ZC4H2: variants seen among roughly 807,000 people sequenced by gnomAD.
ZC4H2 encodes zinc finger C4H2-type containing, also known as zinc finger C4H2 domain-containing protein.
For synonymous variants in ZC4H2, 84 were observed against 66.3 expected (o/e 1.27, Z -1.30); for missense variants, 137 against 173.9 (o/e 0.79, Z 1.19).
intron 1 of ZC4H2, among the ~76,000 whole-genome samples, chrX:64,927,793 G>C (rs1569203632): frequency 8.9e-6 from 1 of 112,249 alleles, no homozygotes; most frequent in African/African-American, 3.2e-5. Context: ...AGCATCTGTT[G>C]TTTACAGACT....
rs1249541624 is a variant in ZC4H2, at chrX:64,952,330, C to A, written c.53+23995G>T. Among the ~76,000 whole-genome samples the A allele has an allele frequency of 8.5e-4, 93 of 109,079 alleles. 1 individual carries two copies. The highest frequency in any genetic ancestry group is 3.1e-3 in the African/African-American group (93 of 29,627). The allele number at this position is 109,079 out of a possible 115,157, so 94.7% of individuals were successfully genotyped here. A position where few individuals can be genotyped will look rare whatever the true frequency, so the allele number is the denominator to read the frequency against. ...AACTTTCAAGTAGTTTCTTCCAATT[C>A]TGTGAAGAAAGTCATTGGTAGCTTG... On this transcript the variant is annotated intron_variant, in intron 1 of 4. Transcript: ENST00000374839.
At chrX:64,973,535 A>G (rs984615911) in intron 1 of ZC4H2, among the ~76,000 whole-genome samples, 2 of 109,725 alleles carry the variant, frequency 1.8e-5, no homozygotes, top group African/African-American at 6.6e-5. Flanking sequence ...ACCACACTAG[A>G]TAACAGTATA....
intron 1 of ZC4H2, among the ~76,000 whole-genome samples, chrX:64,988,005 G>A (rs1255889370): frequency 4.7e-5 from 5 of 105,867 alleles, no homozygotes; most frequent in Admixed American, 4.1e-4. Flanking sequence ...TGTCCTTGCG[G>A]TAGTTTGCTC....
intron 2 of ZC4H2, among the ~76,000 whole-genome samples, chrX:64,920,894 GC>G (rs1332704737): frequency 1.8e-5 from 2 of 112,588 alleles, no homozygotes; most frequent in African/African-American, 6.5e-5. Context: ...TTTGATGCAT[GC>G]TCAAGTTTGA....
intron 1 of ZC4H2, among the ~76,000 whole-genome samples, chrX:64,986,059 T>C (rs1450302462): frequency 8.9e-6 from 1 of 111,998 alleles, no homozygotes; most frequent in East Asian, 2.8e-4. Flanking sequence ...TTTTCATATT[T>C]GGGGATTTTG....
intron 1 of ZC4H2, among the ~76,000 whole-genome samples, chrX:65,007,177 C>A (rs1459900006): frequency 9.0e-6 from 1 of 110,764 alleles, no homozygotes; most frequent in Non-Finnish European, 1.9e-5. Flanking sequence ...GTCTGATATA[C>A]CTGCCACCAG....
chrX:64,955,014 C>T (rs1931097753), intron 1 of ZC4H2, among the ~76,000 whole-genome samples: 1 of 111,775 alleles, frequency 8.9e-6, no homozygotes, highest in Admixed American at 9.6e-5. Context: ...AGGACAGCCA[C>T]TTTGTCCTTC....
intron 1 of ZC4H2, among the ~76,000 whole-genome samples, chrX:64,999,999 C>T (rs1040500522): frequency 1.3e-4 from 15 of 112,121 alleles, no homozygotes; most frequent in African/African-American, 3.9e-4. Context: ...GGGGAAGGGG[C>T]GGTTGTGGGC....
chrX:64,942,239 AT>A lies in ZC4H2; in HGVS notation c.54-20252del, dbSNP rs1324996991. Among the ~76,000 whole-genome samples the A allele has an allele frequency of 9.9e-5, 11 of 111,233 alleles. 1 individual carries two copies. Among genetic ancestry groups the A allele is most frequent in the Middle Eastern group, 9.3e-3 (2 of 216 alleles). Reference sequence around the variant, plus strand: ...TTATTTCCATGGGGTCAGTGTTGATATCCCCTTTATCACTACTTATTGTGTC... The same window carrying A: ...TTATTTCCATGGGGTCAGTGTTGATACCCCTTTATCACTACTTATTGTGTC... On this transcript the variant is annotated intron_variant, in intron 1 of 4. Transcript: ENST00000374839.
At chrX:65,012,224 C>CAAAAAAAAAAAAAAAAAAAAAAA (rs10606871) in intron 1 of ZC4H2, among the ~76,000 whole-genome samples, 1 of 25,334 alleles carries the variant, frequency 3.9e-5, no homozygotes, top group African/African-American at 9.5e-5. Context: ...GACCCCGTCT[C>CAAAAAAAAAAAAAAAAAAAAAAA]AAAAAAAAAA....
chrX:65,003,101 T>TA (rs1158267865), intron 1 of ZC4H2, among the ~76,000 whole-genome samples: 1 of 87,609 alleles, frequency 1.1e-5, no homozygotes, highest in Non-Finnish European at 2.2e-5. Flanking sequence ...ATATTTATAA[T>TA]AAAAAAATTC....
chrX:64,950,307 A>C (rs932284782), intron 1 of ZC4H2, among the ~76,000 whole-genome samples: 6 of 111,892 alleles, frequency 5.4e-5, no homozygotes, highest in African/African-American at 2.0e-4. Context: ...TGTGGTGCTG[A>C]GAAGAATGTA....
chrX:64,944,401 T>C (rs1321848218), intron 1 of ZC4H2, among the ~76,000 whole-genome samples: 21 of 110,558 alleles, frequency 1.9e-4, no homozygotes, highest in Admixed American at 1.7e-3. Context: ...ATGTTGAATA[T>C]TGACCCCCAC....
chrX:64,961,388 A>T (rs1284029464), intron 1 of ZC4H2, among the ~76,000 whole-genome samples: 1 of 111,168 alleles, frequency 9.0e-6, no homozygotes, highest in Non-Finnish European at 1.9e-5. Flanking sequence ...AAATTTTTTG[A>T]TCTTAGACAT....
intron 1 of ZC4H2, among the ~76,000 whole-genome samples, chrX:65,005,312 G>A (rs765477101): frequency 9.9e-5 from 11 of 111,092 alleles, no homozygotes; most frequent in African/African-American, 3.3e-4. Flanking sequence ...GAGGCATCAC[G>A]CTACCTGACT....
intron 1 of ZC4H2, among the ~76,000 whole-genome samples, chrX:64,927,200 G>A (rs1314993523): frequency 9.1e-6 from 1 of 110,245 alleles, no homozygotes; most frequent in East Asian, 2.8e-4. Flanking sequence ...TTGTTACATA[G>A]GTATACATAT....
At chrX:64,943,062 C>T (rs1930366252) in intron 1 of ZC4H2, among the ~76,000 whole-genome samples, 1 of 111,935 alleles carries the variant, frequency 8.9e-6, no homozygotes, top group Non-Finnish European at 1.9e-5. Flanking sequence ...TTTTGATATG[C>T]ATTTCTCTAA....
chrX:65,009,535 T>A (rs1437957022), intron 1 of ZC4H2, among the ~76,000 whole-genome samples: 1 of 112,125 alleles, frequency 8.9e-6, no homozygotes, highest in Non-Finnish European at 1.9e-5. Flanking sequence ...TAGCAAACAA[T>A]CTTGGAAAAC....
At chrX:64,935,505 C>G (rs1174066047) in intron 1 of ZC4H2, among the ~76,000 whole-genome samples, 1 of 112,114 alleles carries the variant, frequency 8.9e-6, no homozygotes, top group Non-Finnish European at 1.9e-5. Flanking sequence ...AAGTGAGTCC[C>G]TGACCCCCAT....
Sources: gnomAD v4.1 joint callset for allele counts (sites outside exome capture counted in the v4.1 genomes callset) on GRCh38, gnomAD v4.1.1 for gene constraint, MANE v1.5 for transcripts, NCBI Gene and HGNC (gene_info 2026-07-23, HGNC 2026-07-21) for gene names.